The following ALG6 variants were observed in gnomAD, a reference collection of about 807,000 sequenced individuals.
ALG6 encodes the protein ALG6 alpha-1,3-glucosyltransferase.
A neutral mutation model predicts 66.6 loss-of-function variants in ALG6; 46 were observed. The ratio of observed to expected loss-of-function variants is 0.69; its 90% CI spans 0.55 to 0.88. The LOEUF (loss-of-function observed/expected upper bound fraction) is 0.88. Among genes scored for constraint, ALG6 ranks in the 40% least tolerant of loss-of-function variants. The probability of loss-of-function intolerance (pLI) is 0.00; values close to 1 mark genes in which losing one functional copy is unlikely to be tolerated. For missense variants in ALG6, 505 were observed against 586.8 expected, an observed-to-expected ratio of 0.86 and a Z score of 1.44; for synonymous variants, 185 against 203.7, an observed-to-expected ratio of 0.91 and a Z score of 0.78.
chr1:63,432,465 G>A (rs912828013), intron 14 of ALG6, among the ~76,000 whole-genome samples: 5 of 152,014 alleles, frequency 3.3e-5, no homozygotes, highest in African/African-American at 4.8e-5. Flanking sequence ...TTCATGTGAC[G>A]TCTTTGTCTA....
At chr1:63,382,736 C>T (rs1264503547) in intron 2 of ALG6, among the ~76,000 whole-genome samples, 8 of 142,238 alleles carry the variant, frequency 5.6e-5, no homozygotes, top group African/African-American at 2.1e-4. Flanking sequence ...AGTGCAGTAG[C>T]GCGATCTCGG....
chr1:63,385,947 G>T (rs1284878089), intron 2 of ALG6, among the ~76,000 whole-genome samples: 1 of 152,082 alleles, frequency 6.6e-6, no homozygotes, highest in Non-Finnish European at 1.5e-5. Flanking sequence ...TACTAGCTGT[G>T]GGTCTGTCAT....
intron 2 of ALG6, among the ~76,000 whole-genome samples, chr1:63,371,980 G>A (rs1647941116): frequency 6.6e-6 from 1 of 152,214 alleles, no homozygotes; most frequent in South Asian, 2.1e-4. Context: ...GTGAGGTACA[G>A]AGTTAATAGA....
chr1:63,436,699 C>A (rs1053677319), intron 14 of ALG6, 124 bp from the exon 15 acceptor site: 23 of 920,962 alleles, frequency 2.5e-5, no homozygotes, highest in Admixed American at 1.2e-4. Context: ...TGAGATACAC[C>A]AGAATAAATT....
intron 2 of ALG6, among the ~76,000 whole-genome samples, chr1:63,376,838 C>T (rs991566961): frequency 3.9e-5 from 6 of 151,984 alleles, no homozygotes; most frequent in South Asian, 2.1e-4. Flanking sequence ...TTGATACAAT[C>T]GTTTTTTATA....
At chr1:63,402,460 AT>A (rs760751565) in intron 4 of ALG6, 117 bp downstream of exon 4, 40,484 of 257,924 alleles carry the variant, frequency 0.16, 73 homozygotes, top group South Asian at 0.19. Flanking sequence ...CTGCTATTGT[AT>A]TTTTTTTTTT....
chr1:63,380,850 T>A (rs1168995415), intron 2 of ALG6, among the ~76,000 whole-genome samples: 1 of 152,230 alleles, frequency 6.6e-6, no homozygotes, highest in Admixed American at 6.5e-5. Flanking sequence ...CTACTTATTT[T>A]AAACCCTGCT....
intron 14 of ALG6, among the ~76,000 whole-genome samples, chr1:63,430,811 G>A (rs1389644387): frequency 6.6e-6 from 1 of 151,750 alleles, no homozygotes; most frequent in Non-Finnish European, 1.5e-5. Context: ...TATTTAACTT[G>A]CAAATATCCT....
chr1:63,428,649 G>T, intron 12 of ALG6, 84 bp from the exon 13 acceptor site: 1 of 1,066,028 alleles, frequency 9.4e-7, no homozygotes, highest in Non-Finnish European at 1.4e-6. Flanking sequence ...AAATCAGACA[G>T]ATAAAATGTA....
chr1:63,390,872 A>G (rs1251629033), intron 2 of ALG6, among the ~76,000 whole-genome samples: 5 of 152,174 alleles, frequency 3.3e-5, no homozygotes, highest in Non-Finnish European at 7.4e-5. Context: ...CTGCTGGGGA[A>G]TGGAGAAGTG....
At chr1:63,406,157 G>GT (rs1644489080) in intron 5 of ALG6, among the ~76,000 whole-genome samples, 160 bp from the exon 6 acceptor site, 1 of 152,076 alleles carries the variant, frequency 6.6e-6, no homozygotes, top group Admixed American at 6.5e-5. Flanking sequence ...TTAGTCACAG[G>GT]TGAAGGGATT....
rs573955265 is a variant in ALG6, at chr1:63,370,693, C to T, written c.-207-78C>T. 3.8e-5 allele frequency: 15 copies of T among 389,974 alleles called. No individual in the cohort carries two copies. The Admixed American group carries it at 4.2e-4, about 11-fold the overall frequency. The allele number at this position is 389,974 out of a possible 1,614,324, so 24.2% of individuals were successfully genotyped here. ...TACCCCTCCCCTCGAATTCTCTATC[C>T]TTCTACTTGGTTTACTGGGTTCATT... On this transcript the variant is annotated intron_variant, in intron 1 of 14. Transcript: ENST00000263440.
chr1:63,373,640 C>CAATTT (rs1444008818), intron 2 of ALG6, among the ~76,000 whole-genome samples: 15 of 142,254 alleles, frequency 1.1e-4, no homozygotes, highest in Non-Finnish European at 2.1e-4. Flanking sequence ...TTTTATTTTT[C>CAATTT]AATTTAATTT....
At chr1:63,406,994 C>A (rs527421845) in intron 6 of ALG6, 68 bp from the exon 7 acceptor site, 2 of 1,251,702 alleles carry the variant, frequency 1.6e-6, no homozygotes, top group East Asian at 4.7e-5. Context: ...TAGATAAAAA[C>A]CACACTTTTA....
intron 7 of ALG6, among the ~76,000 whole-genome samples, chr1:63,410,874 T>C (rs1178932307): frequency 6.6e-6 from 1 of 152,212 alleles, no homozygotes; most frequent in African/African-American, 2.4e-5. Flanking sequence ...TTTAAATCTT[T>C]AGAGCTCTTT....
chr1:63,407,066 C>G lies in ALG6; in HGVS notation c.434C>G (p.Ala145Gly). ...LKEISTKKKI[A>G]NALCILLYPG... ...TCACAATATTTGTCTTTACAGATTG[C>G]TAATGCATTATGCATCTTGCTGTAT... The change falls in exon 7 of 15, where the codon GCT (alanine) becomes GGT (glycine). Residue 145 changes from alanine (A) to glycine (G), a missense_variant. Physicochemically the swap from Ala to Gly is moderately conservative, Grantham distance 60 (BLOSUM62 0). Coordinates refer to ENST00000263440, the MANE Select transcript of ALG6 (RefSeq NM_013339.4). 1 of 1,605,622 alleles carries G rather than the reference C, an allele frequency of 6.2e-7. No homozygotes were observed.
At chr1:63,432,141 T>A (rs1409997644) in intron 14 of ALG6, among the ~76,000 whole-genome samples, 1 of 152,214 alleles carries the variant, frequency 6.6e-6, no homozygotes, top group African/African-American at 2.4e-5. Context: ...GTGGGCTTTT[T>A]AAAATAGATG....
intron 5 of ALG6, 114 bp from the exon 6 acceptor site, chr1:63,406,203 T>C: frequency 1.1e-6 from 1 of 913,174 alleles, no homozygotes; most frequent in South Asian, 1.4e-5. Context: ...TTGTCCATAG[T>C]AGGGCAAGAA....
chr1:63,380,007 C>G (rs561360087), intron 2 of ALG6, among the ~76,000 whole-genome samples: 2 of 151,424 alleles, frequency 1.3e-5, no homozygotes, highest in Non-Finnish European at 2.9e-5. Flanking sequence ...TTGCTTTTGC[C>G]CCTCAACAAA....
Sources: gnomAD v4.1 joint callset for allele counts (sites outside exome capture counted in the v4.1 genomes callset) on GRCh38, gnomAD v4.1.1 for gene constraint, MANE v1.5 for transcripts, NCBI Gene and HGNC (gene_info 2026-07-23, HGNC 2026-07-21) for gene names.